TARS3: variants seen among roughly 807,000 people sequenced by gnomAD.
The protein encoded by TARS3 is threonyl-tRNA synthetase 3, also known as threonine--tRNA ligase 2, cytoplasmic.
TARS3 carries 94 observed loss-of-function variants against 103.5 expected under a neutral mutation model. The observed-to-expected ratio is 0.91, with a 90% CI of 0.77 to 1.08. TARS3 has a LOEUF of 1.08. Among genes scored for constraint, TARS3 ranks in the 50% least tolerant of loss-of-function variants. The pLI is 0.00. For missense variants in TARS3, 952 were observed against 995.2 expected, an observed-to-expected ratio of 0.96 and a Z score of 0.58; for synonymous variants, 416 against 355.4, an observed-to-expected ratio of 1.17 and a Z score of -1.92.
chr15:101,698,225 G>A (rs1342274806), intron 10 of TARS3, among the ~76,000 whole-genome samples: 1 of 152,100 alleles, frequency 6.6e-6, no homozygotes, highest in Non-Finnish European at 1.5e-5. Flanking sequence ...CCAGCTGCTC[G>A]GGAGGCTGAG....
Position 101,684,240 on chromosome 15 carries a change from A to G in TARS3, c.1488-3T>C. ...GTGGACGATGGGCAAACATTAGACTAGAAAAGATGTGGTAACACACAGCTT... is the reference window on the plus strand; with the variant it reads ...GTGGACGATGGGCAAACATTAGACTGGAAAAGATGTGGTAACACACAGCTT... On this transcript the variant is annotated splice_polypyrimidine_tract_variant and splice_region_variant and intron_variant, in intron 11 of 18. Coordinates refer to ENST00000335968, the MANE Select transcript of TARS3 (RefSeq NM_152334.3). 1 of 1,612,854 alleles carries G rather than the reference A, an allele frequency of 6.2e-7. No homozygotes were observed. Among genetic ancestry groups the G allele is most frequent in the Non-Finnish European group, 8.5e-7 (1 of 1,179,300 alleles).
intron 3 of TARS3, 99 bp from the exon 4 acceptor site, chr15:101,715,062 T>C (rs1900073565): frequency 1.7e-6 from 2 of 1,193,452 alleles, no homozygotes; most frequent in Admixed American, 5.3e-5. Flanking sequence ...TTTTGAAGTG[T>C]ATAAAAAGTA....
chr15:101,673,109 C>A (rs899957224), intron 13 of TARS3, among the ~76,000 whole-genome samples: 8 of 152,184 alleles, frequency 5.3e-5, no homozygotes, highest in Non-Finnish European at 1.2e-4. Context: ...CAAAATATTT[C>A]AATGCTCACC....
At chr15:101,662,344 A>C (rs1221435984) in intron 15 of TARS3, among the ~76,000 whole-genome samples, 1 of 152,262 alleles carries the variant, frequency 6.6e-6, no homozygotes, top group African/African-American at 2.4e-5. Flanking sequence ...CTGCACAAGC[A>C]CAAGCTTCTC....
chr15:101,721,023 T>C lies in TARS3; in HGVS notation c.566+103A>G, dbSNP rs1389271810. On this transcript the variant is annotated intron_variant, in intron 3 of 18. Coordinates refer to ENST00000335968, the MANE Select transcript of TARS3 (RefSeq NM_152334.3). ...CAGTCTCAGACATGTCCTTTTAGTA[T>C]CGTGAGAATGGAGTAATATATTAGC... 5.4e-6 allele frequency: 5 copies of C among 920,558 alleles called. No individual in the cohort carries two copies. In the South Asian group the frequency reaches 8.5e-5, roughly 16 times the overall value. The allele number at this position is 920,558 out of a possible 1,614,324, so 57.0% of individuals were successfully genotyped here. A position where few individuals can be genotyped will look rare whatever the true frequency, so the allele number is the denominator to read the frequency against.
At chr15:101,660,262 A>C (rs1897327723) in intron 16 of TARS3, among the ~76,000 whole-genome samples, 1 of 152,204 alleles carries the variant, frequency 6.6e-6, no homozygotes, top group Non-Finnish European at 1.5e-5. Context: ...CAATTTCTAA[A>C]AATGGAATGG....
chr15:101,704,264 G>T (rs1260597469), intron 7 of TARS3, among the ~76,000 whole-genome samples: 1 of 152,202 alleles, frequency 6.6e-6, no homozygotes. Context: ...CAGTCTTTGT[G>T]TATTGTTCTC....
intron 10 of TARS3, among the ~76,000 whole-genome samples, chr15:101,690,827 AT>A (rs925898359): frequency 6.6e-6 from 1 of 151,966 alleles, no homozygotes; most frequent in African/African-American, 2.4e-5. Context: ...AGGAGTGTGC[AT>A]TTTTTTCACA....
intron 10 of TARS3, among the ~76,000 whole-genome samples, chr15:101,693,345 C>A (rs556518141): frequency 3.3e-5 from 5 of 152,076 alleles, no homozygotes; most frequent in Admixed American, 6.5e-5. Context: ...GGACTTTGTG[C>A]GGGGGAACTC....
chr15:101,697,777 C>T (rs1185158518), intron 10 of TARS3, among the ~76,000 whole-genome samples: 1 of 152,130 alleles, frequency 6.6e-6, no homozygotes, highest in Non-Finnish European at 1.5e-5. Flanking sequence ...TAGGAGTGTG[C>T]TTTGTAGACC....
chr15:101,656,239 C>T (rs979744828), intron 18 of TARS3, among the ~76,000 whole-genome samples: 1 of 152,220 alleles, frequency 6.6e-6, no homozygotes, highest in Non-Finnish European at 1.5e-5. Context: ...ATTTCTGCCA[C>T]CATAAGAAGC....
chr15:101,699,442 A>C (rs1372481420), intron 10 of TARS3: 2 of 455,890 alleles, frequency 4.4e-6, no homozygotes, highest in Admixed American at 2.4e-5. Flanking sequence ...GCATCTATAA[A>C]AAATAAGAGA....
intron 15 of TARS3, among the ~76,000 whole-genome samples, chr15:101,669,989 A>G (rs1452646225): frequency 6.6e-6 from 1 of 152,264 alleles, no homozygotes; most frequent in Non-Finnish European, 1.5e-5. Context: ...AGATGCAAAC[A>G]ATGAATCTTG....
intron 16 of TARS3, among the ~76,000 whole-genome samples, chr15:101,661,365 T>C (rs1897370983): frequency 6.6e-6 from 1 of 150,444 alleles, no homozygotes; most frequent in Admixed American, 6.7e-5. Flanking sequence ...TACCTAGGAG[T>C]GTGGGTCACA....
intron 12 of TARS3, among the ~76,000 whole-genome samples, chr15:101,676,266 G>GTTTTT (rs1405401129): frequency 2.4e-4 from 37 of 152,290 alleles, no homozygotes; most frequent in African/African-American, 8.9e-4. Flanking sequence ...GCAATGAAGG[G>GTTTTT]TTTTTGTTTT....
intron 12 of TARS3, among the ~76,000 whole-genome samples, chr15:101,677,253 C>A (rs1218289688): frequency 6.6e-6 from 1 of 152,210 alleles, no homozygotes; most frequent in African/African-American, 2.4e-5. Flanking sequence ...ACAACTTCCA[C>A]CCTCACCAAT....
chr15:101,709,737 A>G (rs1193924344), intron 5 of TARS3, among the ~76,000 whole-genome samples: 2 of 152,224 alleles, frequency 1.3e-5, no homozygotes, highest in African/African-American at 4.8e-5. Flanking sequence ...CTGAATCACC[A>G]GCACCCAGCA....
chr15:101,659,718 G>A (rs1897309464), intron 16 of TARS3, among the ~76,000 whole-genome samples: 1 of 152,002 alleles, frequency 6.6e-6, no homozygotes, highest in Non-Finnish European at 1.5e-5. Flanking sequence ...AAACCAACTG[G>A]AAAGAAATAT....
At chr15:101,692,827 G>A (rs933400929) in intron 10 of TARS3, among the ~76,000 whole-genome samples, 2 of 152,248 alleles carry the variant, frequency 1.3e-5, no homozygotes, top group African/African-American at 4.8e-5. Flanking sequence ...AACCCTTGGA[G>A]TGCATCTTTC....
Sources: allele counts gnomAD v4.1 joint callset (sites outside exome capture counted in the v4.1 genomes callset), GRCh38; gene constraint gnomAD v4.1.1; transcripts MANE v1.5; gene names NCBI Gene and HGNC (gene_info 2026-07-23, HGNC 2026-07-21).